Variants in ADAM22 observed in about 807,000 individuals in gnomAD.
The protein encoded by ADAM22 is ADAM metallopeptidase domain 22, also known as disintegrin and metalloproteinase domain-containing protein 22.
ADAM22 carries 65 observed loss-of-function variants against 144.6 expected under a neutral mutation model. The observed-to-expected ratio is 0.45, with a 90% CI of 0.37 to 0.55. ADAM22 has a LOEUF of 0.55. ADAM22 is among the 20% of genes least tolerant of loss of function. The probability of loss-of-function intolerance (pLI) is 0.00; values close to 1 mark genes in which losing one functional copy is unlikely to be tolerated. For missense variants in ADAM22, 974 were observed against 1,184.9 expected (o/e 0.82, Z 2.61); for synonymous variants, 391 against 412.6 (o/e 0.95, Z 0.63).
intron 31 of ADAM22, among the ~76,000 whole-genome samples, chr7:88,195,874 C>A (rs1310936299): frequency 6.6e-6 from 1 of 152,074 alleles, no homozygotes; most frequent in Non-Finnish European, 1.5e-5. Flanking sequence ...CAGTGATTTT[C>A]AAGTGGGTGA....
intron 4 of ADAM22, among the ~76,000 whole-genome samples, chr7:88,088,571 T>C (rs1028872149): frequency 6.6e-6 from 1 of 150,908 alleles, no homozygotes; most frequent in African/African-American, 2.4e-5. Context: ...ATTTTAAATA[T>C]AGTGACTGTC....
At chr7:88,169,223 A>G (rs1378318789) in intron 25 of ADAM22, among the ~76,000 whole-genome samples, 3 of 152,110 alleles carry the variant, frequency 2.0e-5, no homozygotes, top group Non-Finnish European at 4.4e-5. Context: ...TAAGCTTTGT[A>G]TGCTGCAAGC....
intron 4 of ADAM22, among the ~76,000 whole-genome samples, chr7:88,103,754 T>A (rs1471552127): frequency 6.6e-6 from 1 of 152,074 alleles, no homozygotes; most frequent in Non-Finnish European, 1.5e-5. Flanking sequence ...TATATAATAC[T>A]TACTTCCATA....
At chr7:88,146,251 T>G (rs1315431692) in intron 17 of ADAM22, among the ~76,000 whole-genome samples, 1 of 152,206 alleles carries the variant, frequency 6.6e-6, no homozygotes, top group Non-Finnish European at 1.5e-5. Context: ...AGACAGTAAT[T>G]GGTATACATT....
At chr7:87,955,430 C>T (rs906319077) in intron 2 of ADAM22, among the ~76,000 whole-genome samples, 6 of 152,164 alleles carry the variant, frequency 3.9e-5, no homozygotes, top group South Asian at 2.1e-4. Flanking sequence ...ATATCAGCAG[C>T]GGTGTCTGCA....
chr7:88,138,131 A>G (rs2373484), intron 14 of ADAM22, among the ~76,000 whole-genome samples: 46,730 of 152,078 alleles, frequency 0.31, 8,985 homozygotes, highest in East Asian at 0.54. Flanking sequence ...TGCCAGCATG[A>G]GTGACAGAGT....
At chr7:88,063,795 G>A (rs1399885326) in intron 3 of ADAM22, among the ~76,000 whole-genome samples, 1 of 152,208 alleles carries the variant, frequency 6.6e-6, no homozygotes, top group African/African-American at 2.4e-5. Context: ...CATACTAGGA[G>A]ACAATGGAGC....
At position 87,978,387 on chromosome 7, in the gene ADAM22, T is replaced by C; in HGVS notation, c.298T>C (p.Phe100Leu). The C allele has an allele frequency of 6.2e-7, 1 of 1,613,784 alleles. No individual in the cohort carries two copies. Among genetic ancestry groups the C allele is most frequent in the East Asian group, 2.2e-5 (1 of 44,838 alleles). Residue 100 changes from phenylalanine to leucine, a missense_variant, in exon 3 of 32, where the codon TTC becomes CTC. Phe to Leu is a conservative substitution (Grantham distance 22). Coordinates refer to ENST00000413139, the MANE Select transcript of ADAM22 (RefSeq NM_001324418.2). ...CCAGGTTGATGCCTTTGGAACGTCA[T>C]TCATTCTCGATGTCGTGCTAAATCA... The part of the protein sequence containing the change: ...SFQVDAFGTS[F>L]ILDVVLNHDL...
At chr7:88,101,571 C>A (rs758849872) in intron 4 of ADAM22, among the ~76,000 whole-genome samples, 8 of 152,172 alleles carry the variant, frequency 5.3e-5, no homozygotes, top group Non-Finnish European at 8.8e-5. Flanking sequence ...CAGGCCAAAG[C>A]ATCCTGCATG....
At chr7:88,085,383 T>C (rs1818167243) in intron 4 of ADAM22, among the ~76,000 whole-genome samples, 1 of 152,216 alleles carries the variant, frequency 6.6e-6, no homozygotes, top group South Asian at 2.1e-4. Context: ...CTCAGGTGTC[T>C]TTGAACTTTT....
intron 3 of ADAM22, among the ~76,000 whole-genome samples, chr7:87,994,767 A>G (rs988012822): frequency 6.6e-6 from 1 of 152,154 alleles, no homozygotes; most frequent in African/African-American, 2.4e-5. Context: ...CTAGTTAATC[A>G]CACAAGTAGG....
At chr7:88,054,502 T>G (rs1807618223) in intron 3 of ADAM22, among the ~76,000 whole-genome samples, 1 of 151,938 alleles carries the variant, frequency 6.6e-6, no homozygotes, top group South Asian at 2.1e-4. Context: ...AGATCTATCA[T>G]ACATTCATCT....
chr7:88,021,493 C>T (rs1238146073), intron 3 of ADAM22, among the ~76,000 whole-genome samples: 1 of 152,172 alleles, frequency 6.6e-6, no homozygotes, highest in African/African-American at 2.4e-5. Flanking sequence ...TTGTATACTC[C>T]ATTTTGTCCT....
chr7:88,004,612 G>T (rs1392493690), intron 3 of ADAM22, among the ~76,000 whole-genome samples: 3 of 152,180 alleles, frequency 2.0e-5, no homozygotes, highest in African/African-American at 7.2e-5. Flanking sequence ...CCTGGAATAT[G>T]TGCTAGAACT....
At chr7:88,118,333 C>A (rs1171024673) in intron 7 of ADAM22, among the ~76,000 whole-genome samples, 3 of 152,206 alleles carry the variant, frequency 2.0e-5, no homozygotes, top group Non-Finnish European at 4.4e-5. Context: ...AACATTCTCT[C>A]CCCTTCTCTC....
At position 88,163,018 on chromosome 7, in the gene ADAM22, G is replaced by A; in HGVS notation, c.1914G>A (p.Gly638=). The A allele has an allele frequency of 6.2e-7, 1 of 1,607,004 alleles. No homozygotes were observed. Among genetic ancestry groups the A allele is most frequent in the Non-Finnish European group, 8.5e-7 (1 of 1,177,458 alleles). Residue 638 remains glycine (G), a synonymous_variant, in exon 23 of 32, where the codon GGG becomes GGA. Coordinates refer to ENST00000413139, the MANE Select transcript of ADAM22 (RefSeq NM_001324418.2). ...GCTCTCAATTTGTTTTTAGTGGTGG[G>A]CATGTTAAGCTTGAAGAAGATGTAG... ...QQGRTLNCSG[G]HVKLEEDVDL...
At chr7:88,178,606 A>G (rs1412343012) in intron 26 of ADAM22, among the ~76,000 whole-genome samples, 2 of 152,082 alleles carry the variant, frequency 1.3e-5, no homozygotes, top group African/African-American at 4.8e-5. Context: ...CACCTTCGAC[A>G]TATTTTTTTT....
chr7:88,084,062 G>A (rs1328858686), intron 4 of ADAM22, among the ~76,000 whole-genome samples: 1 of 152,116 alleles, frequency 6.6e-6, no homozygotes. Context: ...AAGGAAACAG[G>A]CCATTCACTA....
intron 22 of ADAM22, among the ~76,000 whole-genome samples, chr7:88,156,546 C>G (rs183596682): frequency 2.6e-5 from 4 of 152,248 alleles, no homozygotes; most frequent in African/African-American, 9.6e-5. Flanking sequence ...AAGATATACT[C>G]TTACTTCCCC....
Sources: allele counts gnomAD v4.1 joint callset (sites outside exome capture counted in the v4.1 genomes callset), GRCh38; gene constraint gnomAD v4.1.1; transcripts MANE v1.5; gene names NCBI Gene and HGNC (gene_info 2026-07-23, HGNC 2026-07-21).